The following DRD2 variants were observed in gnomAD, a reference collection of about 807,000 sequenced individuals.
DRD2 encodes the protein dopamine receptor D2, also known as D(2) dopamine receptor.
A neutral mutation model predicts 38.0 loss-of-function variants in DRD2; 8 were observed. The ratio of observed to expected loss-of-function variants is 0.21; its 90% CI spans 0.12 to 0.38. The LOEUF (loss-of-function observed/expected upper bound fraction) is 0.38, where lower values mean the gene tolerates loss of function less well. DRD2 is among the 10% of genes least tolerant of loss of function. The pLI is 1.00. For missense variants in DRD2, 403 were observed against 607.7 expected (o/e 0.66, Z 3.54); for synonymous variants, 230 against 238.6 (o/e 0.96, Z 0.33).
chr11:113,457,007 T>C (rs1460784188), intron 1 of DRD2, among the ~76,000 whole-genome samples: 1 of 152,172 alleles, frequency 6.6e-6, no homozygotes. Flanking sequence ...GGGCTCACCG[T>C]GGGCCTCCAT....
At chr11:113,443,394 G>A (rs1951111181) in intron 1 of DRD2, among the ~76,000 whole-genome samples, 1 of 152,082 alleles carries the variant, frequency 6.6e-6, no homozygotes, top group Non-Finnish European at 1.5e-5. Flanking sequence ...TTCATCTTTT[G>A]CTCCTGGGGT....
intron 1 of DRD2, among the ~76,000 whole-genome samples, chr11:113,466,411 T>A (rs575741359): frequency 1.2e-3 from 153 of 128,808 alleles, no homozygotes; most frequent in Non-Finnish European, 1.9e-3. Context: ...CACCTGTGTA[T>A]GTTTCCTCAA....
chr11:113,451,234 A>T (rs149875158), intron 1 of DRD2, among the ~76,000 whole-genome samples: 2 of 152,308 alleles, frequency 1.3e-5, no homozygotes, highest in Non-Finnish European at 2.9e-5. Context: ...TCAGGCTTTG[A>T]TTCTCCAGGA....
In DRD2 at chr11:113,416,881, A is replaced by G. The variant is rs1299839420; in HGVS notation, c.514T>C (p.Phe172Leu). 16 of 1,614,022 alleles carry G rather than the reference A, an allele frequency of 9.9e-6. No homozygotes were observed. In the Admixed American group the frequency reaches 2.7e-4, roughly 27 times the overall value. Residue 172 changes from phenylalanine to leucine, a missense_variant, in exon 4 of 8, where the codon TTC becomes CTC. Physicochemically the swap from Phe to Leu is conservative, Grantham distance 22. Coordinates refer to ENST00000362072, the MANE Select transcript of DRD2 (RefSeq NM_000795.4). ...AATGTACCTGCGTTATTGAGTCCGA[A>G]GAGGAGTGGGCAGGAGATGGTGAAG... ...LSFTISCPLL[F>L]GLNNADQNEC...
chr11:113,439,767 A>G (rs1951069907), intron 1 of DRD2, among the ~76,000 whole-genome samples: 1 of 134,204 alleles, frequency 7.5e-6, no homozygotes, highest in South Asian at 2.6e-4. Flanking sequence ...TGAACCCGGA[A>G]GGTAGAGGTT....
rs561372784 is a variant in DRD2 at position 113,430,271 on chromosome 11, C to T, written c.-31-5589G>A. ...CAGCTGGCCTGGAAGATACAGCTCT[C>T]CCAGCCCAGCTGCTATAGCCGATGA... On this transcript the variant is annotated intron_variant, in intron 1 of 7. Transcript: ENST00000362072. Among the ~76,000 whole-genome samples the T allele has an allele frequency of 8.5e-4, 130 of 152,328 alleles. 1 individual carries two copies. The highest frequency in any genetic ancestry group is 2.9e-3 in the African/African-American group (122 of 41,576).
chr11:113,474,074 C>A (rs1951453148), intron 1 of DRD2, among the ~76,000 whole-genome samples: 1 of 151,936 alleles, frequency 6.6e-6, no homozygotes. Flanking sequence ...CAAGAGCCAC[C>A]GAAAAAAAAG....
At chr11:113,454,807 A>G (rs1003419352) in intron 1 of DRD2, among the ~76,000 whole-genome samples, 2 of 152,360 alleles carry the variant, frequency 1.3e-5, no homozygotes, top group East Asian at 1.9e-4. Context: ...GGAATCAGAT[A>G]GAGATCCAAG....
At chr11:113,453,941 G>A (rs1296575824) in intron 1 of DRD2, among the ~76,000 whole-genome samples, 1 of 152,156 alleles carries the variant, frequency 6.6e-6, no homozygotes. Flanking sequence ...ATGGGGGGCT[G>A]GGGGGAGGAT....
Position 113,410,581 on chromosome 11 carries a change from TGGAG to T in DRD2, c.*142_*145del, listed in dbSNP as rs1408855118. On this transcript the variant is annotated 3_prime_UTR_variant, in exon 8 of 8. Coordinates refer to ENST00000362072, the MANE Select transcript of DRD2 (RefSeq NM_000795.4). ...GAGGGTGTGCGGGCAGTGAGGAGCA[TGGAG>T]CCAAGCGAACACTGCAGGGCCTGCC... The T allele has an allele frequency of 7.1e-5, 72 of 1,014,632 alleles. No homozygotes were observed. The highest frequency in any genetic ancestry group is 9.8e-5 in the Non-Finnish European group (64 of 651,948). The allele number at this position is 1,014,632 out of a possible 1,614,324, so 62.9% of individuals were successfully genotyped here. A position where few individuals can be genotyped will look rare whatever the true frequency, so the allele number is the denominator to read the frequency against.
intron 6 of DRD2, among the ~76,000 whole-genome samples, chr11:113,413,519 G>C (rs1950790916): frequency 6.6e-6 from 1 of 152,196 alleles, no homozygotes; most frequent in Non-Finnish European, 1.5e-5. Flanking sequence ...GGAGGTGTTA[G>C]TCTGAACTTC....
chr11:113,424,471 G>A lies in DRD2; in HGVS notation c.181C>T (p.Arg61Cys), dbSNP rs1296819671. The A allele has an allele frequency of 3.7e-6, 6 of 1,614,138 alleles. No homozygotes were observed. Among genetic ancestry groups the A allele is most frequent in the South Asian group, 1.1e-5 (1 of 91,094 alleles). The part of the protein sequence containing the change: ...GNVLVCMAVS[R>C]EKALQTTTNY... ...GTGGTGGTCTGCAGCGCCTTCTCGC[G>A]GGACACAGCCATGCACACCAGCACG... Residue 61 changes from arginine to cysteine, a missense_variant, in exon 2 of 8, where the codon CGC becomes TGC. Physicochemically the swap from Arg to Cys is radical, Grantham distance 180. Transcript: ENST00000362072.
chr11:113,445,554 T>C (rs1158589208), intron 1 of DRD2, among the ~76,000 whole-genome samples: 1 of 152,186 alleles, frequency 6.6e-6, no homozygotes, highest in African/African-American at 2.4e-5. Context: ...GCAGAAACTT[T>C]TTCCAGGCAA....
At chr11:113,452,435 C>CGTGTGT (rs759448996) in intron 1 of DRD2, among the ~76,000 whole-genome samples, 3,290 of 130,104 alleles carry the variant, frequency 0.025, 56 homozygotes, top group Non-Finnish European at 0.034. Context: ...GGTGTGCATG[C>CGTGTGT]GTGTGTGTGT....
At chr11:113,465,873 C>A (rs1377095367) in intron 1 of DRD2, among the ~76,000 whole-genome samples, 1 of 152,232 alleles carries the variant, frequency 6.6e-6, no homozygotes, top group African/African-American at 2.4e-5. Context: ...TCTGTGGACA[C>A]TTCTCTGCCC....
chr11:113,456,036 T>A (rs1177218510), intron 1 of DRD2, among the ~76,000 whole-genome samples: 2 of 152,160 alleles, frequency 1.3e-5, no homozygotes, highest in African/African-American at 4.8e-5. Flanking sequence ...GGAAACAACC[T>A]AAGTGCCCAT....
At position 113,435,641 on chromosome 11, in the gene DRD2, C is replaced by G. The variant is rs542537840; in HGVS notation, c.-31-10959G>C. ...GCACTGTATTCCTCCCCCCGCCCCC[C>G]CACTTTCCCTTCCTCCTCAATTTGC... On this transcript the variant is annotated intron_variant, in intron 1 of 7. Transcript: ENST00000362072. Among the ~76,000 whole-genome samples, 20 of 151,350 alleles carry G rather than the reference C, an allele frequency of 1.3e-4. No homozygotes were observed. In the East Asian group the frequency reaches 3.9e-3, roughly 30 times the overall value.
Position 113,471,489 on chromosome 11 carries a change from G to T in DRD2, c.-32+3587C>A, listed in dbSNP as rs372524113. On this transcript the variant is annotated intron_variant, in intron 1 of 7. Transcript: ENST00000362072. ...TACTGGAGGTGAGAAGAGGGAAAAT[G>T]GTGCTGGGGTTCAGCTAAGTAAGAG... Among the ~76,000 whole-genome samples the T allele has an allele frequency of 3.3e-5, 5 of 152,270 alleles. No individual in the cohort carries two copies. The East Asian group carries it at 9.7e-4, about 29-fold the overall frequency.
At chr11:113,451,779 CT>C (rs147347595) in intron 1 of DRD2, among the ~76,000 whole-genome samples, 2,412 of 152,322 alleles carry the variant, frequency 0.016, 79 homozygotes, top group African/African-American at 0.055. Context: ...CCTGTATCCT[CT>C]CTTAAACCCA....
Sources: gnomAD v4.1 joint callset for allele counts (sites outside exome capture counted in the v4.1 genomes callset) on GRCh38, gnomAD v4.1.1 for gene constraint, MANE v1.5 for transcripts, NCBI Gene and HGNC (gene_info 2026-07-23, HGNC 2026-07-21) for gene names.